Variants in FHIP1A observed in about 807,000 individuals in gnomAD.
FHIP1A encodes FHF complex subunit HOOK interacting protein 1A, also known as FHF complex subunit HOOK-interacting protein 1A.
FHIP1A carries 61 observed loss-of-function variants against 88.6 expected under a neutral mutation model. That is an observed-to-expected ratio of 0.69 (90% CI 0.56 to 0.85). The LOEUF is 0.85. Ranked by LOEUF, FHIP1A falls within the 40% of genes least tolerant of loss-of-function variation. The pLI, the probability that FHIP1A is intolerant of heterozygous loss-of-function variation, is 0.00. For synonymous variants in FHIP1A, 478 were observed against 496.0 expected (o/e 0.96, Z 0.48); for missense variants, 1,154 against 1,273.5 (o/e 0.91, Z 1.43).
intron 3 of FHIP1A, among the ~76,000 whole-genome samples, chr4:151,522,629 A>G (rs1443173554): frequency 6.6e-6 from 1 of 152,220 alleles, no homozygotes; most frequent in Admixed American, 6.5e-5. Context: ...GAACAGAAGA[A>G]AAACAAAACC....
intron 1 of FHIP1A, among the ~76,000 whole-genome samples, chr4:151,425,542 AAG>A (rs1453945178): frequency 6.6e-6 from 1 of 152,208 alleles, no homozygotes; most frequent in Non-Finnish European, 1.5e-5. Flanking sequence ...TTATTTTAAA[AAG>A]AGTTCTTATT....
intron 3 of FHIP1A, among the ~76,000 whole-genome samples, chr4:151,539,562 T>TAAAA (rs1215200409): frequency 2.9e-5 from 3 of 102,556 alleles, no homozygotes; most frequent in African/African-American, 1.2e-4. Flanking sequence ...AGACTCTGTC[T>TAAAA]AAAAAAAAAA....
chr4:151,574,691 G>A (rs958159599), intron 4 of FHIP1A, among the ~76,000 whole-genome samples: 1 of 151,878 alleles, frequency 6.6e-6, no homozygotes, highest in African/African-American at 2.4e-5. Context: ...TATGAAATTA[G>A]GTAAACTTAC....
At chr4:151,658,261 C>A (rs980252309) in intron 13 of FHIP1A, among the ~76,000 whole-genome samples, 2 of 152,184 alleles carry the variant, frequency 1.3e-5, no homozygotes, top group Non-Finnish European at 2.9e-5. Flanking sequence ...GTATAATAAA[C>A]CACTGCAAAA....
At chr4:151,517,976 TTTA>T (rs1731308650) in intron 3 of FHIP1A, among the ~76,000 whole-genome samples, 1 of 152,184 alleles carries the variant, frequency 6.6e-6, no homozygotes, top group Admixed American at 6.5e-5. Flanking sequence ...CTAAGGTTAA[TTTA>T]TTATTGAAGA....
chr4:151,488,412 T>C (rs940620135), intron 3 of FHIP1A, among the ~76,000 whole-genome samples: 8 of 152,214 alleles, frequency 5.3e-5, no homozygotes, highest in African/African-American at 1.9e-4. Flanking sequence ...GTTCCTGCAT[T>C]AATTCTCTTA....
At chr4:151,527,874 A>G (rs563437284) in intron 3 of FHIP1A, among the ~76,000 whole-genome samples, 3 of 150,866 alleles carry the variant, frequency 2.0e-5, no homozygotes, top group African/African-American at 7.3e-5. Flanking sequence ...GCTGCAAAAA[A>G]CCACTCAATG....
chr4:151,606,441 G>A (rs1009371988), intron 7 of FHIP1A, among the ~76,000 whole-genome samples: 1 of 152,170 alleles, frequency 6.6e-6, no homozygotes, highest in Non-Finnish European at 1.5e-5. Context: ...ATGCCACCTT[G>A]GCTTTGGAAT....
chr4:151,612,853 A>C (rs1013774959), intron 7 of FHIP1A, among the ~76,000 whole-genome samples: 2 of 152,230 alleles, frequency 1.3e-5, no homozygotes, highest in Non-Finnish European at 2.9e-5. Flanking sequence ...ACATTCTCAC[A>C]TGGAATCCTT....
chr4:151,424,446 G>A (rs1363204827), intron 1 of FHIP1A, among the ~76,000 whole-genome samples: 1 of 152,152 alleles, frequency 6.6e-6, no homozygotes, highest in African/African-American at 2.4e-5. Flanking sequence ...CAGGACCTTA[G>A]AGCAGTGAAC....
chr4:151,618,587 A>G (rs1735629270), intron 7 of FHIP1A, among the ~76,000 whole-genome samples: 2 of 152,176 alleles, frequency 1.3e-5, no homozygotes, highest in South Asian at 2.1e-4. Flanking sequence ...TCACTTCTTT[A>G]TGTGCTCGCC....
intron 7 of FHIP1A, among the ~76,000 whole-genome samples, chr4:151,604,854 A>G (rs1478976757): frequency 6.6e-6 from 1 of 151,940 alleles, no homozygotes; most frequent in Non-Finnish European, 1.5e-5. Context: ...ATCTCAAAAA[A>G]AAAAAATACT....
chr4:151,564,350 T>G (rs1298089143), intron 3 of FHIP1A, among the ~76,000 whole-genome samples: 7 of 152,186 alleles, frequency 4.6e-5, no homozygotes, highest in Admixed American at 4.6e-4. Context: ...AAATGTAGTG[T>G]GTAGAATAAC....
intron 7 of FHIP1A, among the ~76,000 whole-genome samples, 180 bp downstream of exon 7, chr4:151,589,106 T>C (rs1030836609): frequency 1.3e-5 from 2 of 152,196 alleles, no homozygotes; most frequent in African/African-American, 4.8e-5. Context: ...AAACTGATGG[T>C]TCTATCTGGT....
At chr4:151,622,631 C>T (rs6825241) in intron 7 of FHIP1A, among the ~76,000 whole-genome samples, 1 of 151,752 alleles carries the variant, frequency 6.6e-6, no homozygotes, top group Non-Finnish European at 1.5e-5. Context: ...GTTGCATACT[C>T]GGTGCTCAGT....
chr4:151,564,714 T>C (rs1315269807), intron 3 of FHIP1A, among the ~76,000 whole-genome samples: 1 of 152,132 alleles, frequency 6.6e-6, no homozygotes, highest in Non-Finnish European at 1.5e-5. Flanking sequence ...TTTCCTGGAG[T>C]ATGTGATTTG....
chr4:151,417,235 C>T (rs1214371645), intron 1 of FHIP1A, among the ~76,000 whole-genome samples: 1 of 152,150 alleles, frequency 6.6e-6, no homozygotes, highest in African/African-American at 2.4e-5. Flanking sequence ...TCAGAATTTT[C>T]TGGGGTTTCA....
chr4:151,441,187 G>C (rs921945201), intron 1 of FHIP1A, among the ~76,000 whole-genome samples: 1 of 152,098 alleles, frequency 6.6e-6, no homozygotes, highest in East Asian at 1.9e-4. Context: ...GTAGGGATTC[G>C]TGAATGAATC....
intron 11 of FHIP1A, among the ~76,000 whole-genome samples, chr4:151,653,802 AG>A (rs924660114): frequency 3.9e-4 from 59 of 152,254 alleles, no homozygotes; most frequent in African/African-American, 1.4e-3. Context: ...ATTCTTGGAC[AG>A]GGGAAGTGCA....
Sources: gnomAD v4.1 joint callset for allele counts (sites outside exome capture counted in the v4.1 genomes callset) on GRCh38, gnomAD v4.1.1 for gene constraint, MANE v1.5 for transcripts, NCBI Gene and HGNC (gene_info 2026-07-23, HGNC 2026-07-21) for gene names.